The following ARHGAP26 variants were observed in gnomAD, a reference collection of about 807,000 sequenced individuals.
ARHGAP26 encodes Rho GTPase activating protein 26.
ARHGAP26 carries 38 observed loss-of-function variants against 104.8 expected under a neutral mutation model. The ratio of observed to expected loss-of-function variants is 0.36; its 90% CI spans 0.28 to 0.48. The LOEUF is 0.48. Among genes scored for constraint, ARHGAP26 ranks in the 20% least tolerant of loss-of-function variants. The pLI, the probability that ARHGAP26 is intolerant of heterozygous loss-of-function variation, is 0.99. For synonymous variants in ARHGAP26, 341 were observed against 340.0 expected (o/e 1.00, Z -0.03); for missense variants, 704 against 947.9 (o/e 0.74, Z 3.38).
chr5:143,078,416 C>T (rs1789344269), intron 17 of ARHGAP26, among the ~76,000 whole-genome samples: 1 of 152,142 alleles, frequency 6.6e-6, no homozygotes, highest in South Asian at 2.1e-4. Flanking sequence ...TTATTTTGGT[C>T]AGTATCCAGA....
chr5:143,031,258 CCA>C (rs1781795928), intron 12 of ARHGAP26, among the ~76,000 whole-genome samples: 1 of 152,212 alleles, frequency 6.6e-6, no homozygotes. Flanking sequence ...GGTTATTCTC[CCA>C]AGGGCAGCAA....
intron 10 of ARHGAP26, 44 bp from the exon 11 acceptor site, chr5:142,932,003 C>A: frequency 6.4e-7 from 1 of 1,564,054 alleles, no homozygotes; most frequent in Non-Finnish European, 8.8e-7. Flanking sequence ...AATCTCTCTA[C>A]ATGTGGCACT....
At chr5:142,965,701 T>C (rs1483412295) in intron 11 of ARHGAP26, among the ~76,000 whole-genome samples, 1 of 152,240 alleles carries the variant, frequency 6.6e-6, no homozygotes, top group Non-Finnish European at 1.5e-5. Flanking sequence ...ACTATTCTTG[T>C]CTTATATTTT....
chr5:143,000,416 A>T (rs905532119), intron 11 of ARHGAP26, among the ~76,000 whole-genome samples: 10 of 152,250 alleles, frequency 6.6e-5, no homozygotes, highest in Admixed American at 1.3e-4. Context: ...GGTATATTCA[A>T]ACATTAAATT....
At chr5:142,992,921 G>A (rs1170177738) in intron 11 of ARHGAP26, among the ~76,000 whole-genome samples, 4 of 152,198 alleles carry the variant, frequency 2.6e-5, no homozygotes, top group African/African-American at 9.7e-5. Context: ...AATGCTGCTA[G>A]ACAGATGGCA....
intron 19 of ARHGAP26, among the ~76,000 whole-genome samples, chr5:143,138,230 C>T (rs762108504): frequency 6.6e-6 from 1 of 152,178 alleles, no homozygotes; most frequent in Non-Finnish European, 1.5e-5. Flanking sequence ...GATGGTTTCT[C>T]ATGCTCTGTG....
intron 10 of ARHGAP26, among the ~76,000 whole-genome samples, chr5:142,929,131 G>T (rs1764352898): frequency 1.3e-5 from 2 of 152,124 alleles, no homozygotes; most frequent in Non-Finnish European, 2.9e-5. Context: ...TAGAGACAGG[G>T]TTTCACTATG....
chr5:143,104,000 A>G lies in ARHGAP26; in HGVS notation c.1539-16988A>G, dbSNP rs529274543. On this transcript the variant is annotated intron_variant, in intron 17 of 22. Coordinates refer to ENST00000645722, the MANE Select transcript of ARHGAP26 (RefSeq NM_001135608.3). ...CAACCTTAGAAAAGGAGATCCTGCT[A>G]TTTGTTACAACATGGATAGACCTAG... Among the ~76,000 whole-genome samples, 5 of 151,742 alleles carry G rather than the reference A, an allele frequency of 3.3e-5. No individual in the cohort carries two copies. In the South Asian group the frequency reaches 1.0e-3, roughly 32 times the overall value.
At chr5:143,213,200 C>T (rs1809787083) in intron 21 of ARHGAP26, among the ~76,000 whole-genome samples, 1 of 152,166 alleles carries the variant, frequency 6.6e-6, no homozygotes, top group Non-Finnish European at 1.5e-5. Context: ...CTGGGTAGAA[C>T]CTAGACATCT....
chr5:142,848,904 A>G (rs558154268), intron 1 of ARHGAP26, among the ~76,000 whole-genome samples: 1 of 152,258 alleles, frequency 6.6e-6, no homozygotes, highest in South Asian at 2.1e-4. Flanking sequence ...TGGCCCTACT[A>G]AGTAATGACT....
At chr5:142,890,152 ATATATATATATATATATATATATATATAT>A (rs1758410518) in intron 5 of ARHGAP26, among the ~76,000 whole-genome samples, 2 of 21,948 alleles carry the variant, frequency 9.1e-5, no homozygotes, top group African/African-American at 2.6e-4. Context: ...AAAAAAAAAA[ATATATATATATATATATATATATATATAT>A]ATATATATAT....
chr5:142,838,066 A>G (rs1203786950), intron 1 of ARHGAP26, among the ~76,000 whole-genome samples: 2 of 151,932 alleles, frequency 1.3e-5, no homozygotes, highest in African/African-American at 4.8e-5. Flanking sequence ...CGAGACCAAC[A>G]TGGCCAACAT....
At chr5:143,093,642 T>TAG (rs1791818362) in intron 17 of ARHGAP26, among the ~76,000 whole-genome samples, 1 of 151,836 alleles carries the variant, frequency 6.6e-6, no homozygotes, top group African/African-American at 2.4e-5. Flanking sequence ...CTCTGCCTCT[T>TAG]TCTCTCTTTC....
chr5:143,106,612 A>G (rs1332692265), intron 17 of ARHGAP26, among the ~76,000 whole-genome samples: 1 of 151,684 alleles, frequency 6.6e-6, no homozygotes, highest in East Asian at 1.9e-4. Context: ...AGCTGGGACT[A>G]CAGGCACGTG....
At chr5:142,859,301 G>T (rs1752917736) in intron 1 of ARHGAP26, among the ~76,000 whole-genome samples, 1 of 152,152 alleles carries the variant, frequency 6.6e-6, no homozygotes, top group African/African-American at 2.4e-5. Flanking sequence ...AATTGAGGTT[G>T]TAAAGCAATC....
intron 19 of ARHGAP26, among the ~76,000 whole-genome samples, chr5:143,142,349 G>A (rs1209618357): frequency 2.0e-5 from 3 of 151,766 alleles, no homozygotes; most frequent in Non-Finnish European, 2.9e-5. Context: ...ATACTGGCCA[G>A]GCTGCTAGTC....
chr5:143,006,239 A>C (rs1260287214), intron 11 of ARHGAP26, among the ~76,000 whole-genome samples: 2 of 151,570 alleles, frequency 1.3e-5, no homozygotes, highest in African/African-American at 4.9e-5. Flanking sequence ...TCACCTGGAC[A>C]CCTGAGCACA....
chr5:142,884,669 G>A (rs1356643908), intron 4 of ARHGAP26, among the ~76,000 whole-genome samples: 1 of 152,238 alleles, frequency 6.6e-6, no homozygotes, highest in East Asian at 1.9e-4. Context: ...ATCCTTGGAA[G>A]TGATGTTGCT....
chr5:142,775,396 A>T (rs867968532), intron 1 of ARHGAP26, among the ~76,000 whole-genome samples: 7 of 152,264 alleles, frequency 4.6e-5, no homozygotes, highest in South Asian at 2.1e-4. Context: ...TGCCATCTGC[A>T]TATCTTCTTT....
Sources: gnomAD v4.1 joint callset for allele counts (sites outside exome capture counted in the v4.1 genomes callset) on GRCh38, gnomAD v4.1.1 for gene constraint, MANE v1.5 for transcripts, NCBI Gene and HGNC (gene_info 2026-07-23, HGNC 2026-07-21) for gene names.